CADPS: variants seen among roughly 807,000 people sequenced by gnomAD.
CADPS encodes the protein calcium-dependent secretion activator 1.
A neutral mutation model predicts 167.3 loss-of-function variants in CADPS; 57 were observed. That is an observed-to-expected ratio of 0.34 (90% CI 0.28 to 0.42). The LOEUF is 0.42. CADPS is among the 20% of genes least tolerant of loss of function. The probability of loss-of-function intolerance (pLI) is 1.00; values close to 1 mark genes in which losing one functional copy is unlikely to be tolerated. For missense variants in CADPS, 1,414 were observed against 1,738.1 expected, an observed-to-expected ratio of 0.81 and a Z score of 3.32; for synonymous variants, 676 against 635.3, an observed-to-expected ratio of 1.06 and a Z score of -0.96.
At chr3:62,542,769 G>C (rs888594979) in intron 11 of CADPS, among the ~76,000 whole-genome samples, 1 of 152,078 alleles carries the variant, frequency 6.6e-6, no homozygotes, top group Non-Finnish European at 1.5e-5. Context: ...ATAAGTGTGT[G>C]ATGTTTATTT....
At chr3:62,677,174 G>C (rs2076460068) in intron 3 of CADPS, among the ~76,000 whole-genome samples, 1 of 151,912 alleles carries the variant, frequency 6.6e-6, no homozygotes, top group South Asian at 2.1e-4. Context: ...AGAAATTCAG[G>C]AAATAGTCTT....
intron 1 of CADPS, among the ~76,000 whole-genome samples, chr3:62,797,921 AC>A (rs1159344677): frequency 1.3e-5 from 2 of 152,338 alleles, no homozygotes; most frequent in South Asian, 2.1e-4. Context: ...TTTAGAAACG[AC>A]CATGAAAACT....
At chr3:62,423,203 A>G (rs2051845950) in intron 28 of CADPS, among the ~76,000 whole-genome samples, 1 of 152,186 alleles carries the variant, frequency 6.6e-6, no homozygotes, top group African/African-American at 2.4e-5. Flanking sequence ...TCATTTTAGG[A>G]CCAGGGTCTG....
At chr3:62,526,735 G>A (rs910683003) in intron 13 of CADPS, among the ~76,000 whole-genome samples, 1 of 152,122 alleles carries the variant, frequency 6.6e-6, no homozygotes, top group Non-Finnish European at 1.5e-5. Flanking sequence ...TCTCTTTTCA[G>A]AAAATGGGTT....
At chr3:62,443,307 A>G (rs1376135595) in intron 27 of CADPS, among the ~76,000 whole-genome samples, 1 of 152,226 alleles carries the variant, frequency 6.6e-6, no homozygotes, top group Non-Finnish European at 1.5e-5. Flanking sequence ...TGAGTACTTT[A>G]TAACGCTTGG....
At chr3:62,708,361 G>A (rs538569313) in intron 3 of CADPS, among the ~76,000 whole-genome samples, 2 of 152,032 alleles carry the variant, frequency 1.3e-5, no homozygotes, top group Admixed American at 6.6e-5. Flanking sequence ...ATATATGTGT[G>A]GATATATATT....
At chr3:62,451,091 C>T (rs554712460) in intron 26 of CADPS, among the ~76,000 whole-genome samples, 2 of 152,020 alleles carry the variant, frequency 1.3e-5, no homozygotes, top group Admixed American at 1.3e-4. Flanking sequence ...GTATGAGGGA[C>T]TTGAATACAT....
chr3:62,759,875 A>T (rs1404632718), intron 2 of CADPS, among the ~76,000 whole-genome samples: 1 of 152,156 alleles, frequency 6.6e-6, no homozygotes, highest in East Asian at 1.9e-4. Flanking sequence ...AAAAATACAA[A>T]TTTTACCTTC....
Position 62,697,591 on chromosome 3 carries a change from T to C in CADPS, c.889-35197A>G, listed in dbSNP as rs1164035072. Among the ~76,000 whole-genome samples the C allele has an allele frequency of 5.9e-5, 9 of 152,090 alleles. No individual in the cohort carries two copies. The East Asian group carries it at 1.7e-3, about 29-fold the overall frequency. On this transcript the variant is annotated intron_variant, in intron 3 of 29. Transcript: ENST00000383710. ...TACGTGTGCAAGCGTCTTTTTTGTA[T>C]AATGGTTTCTTTTCCTCTGGATAGA...
At chr3:62,750,335 A>T (rs2082411973) in intron 3 of CADPS, among the ~76,000 whole-genome samples, 2 of 116,632 alleles carry the variant, frequency 1.7e-5, no homozygotes, top group Non-Finnish European at 3.3e-5. Flanking sequence ...TGAGTGACAG[A>T]GTGAGACTCT....
At chr3:62,634,447 A>G (rs1345665740) in intron 6 of CADPS, among the ~76,000 whole-genome samples, 1 of 152,208 alleles carries the variant, frequency 6.6e-6, no homozygotes, top group African/African-American at 2.4e-5. Flanking sequence ...AGCACATATG[A>G]AGATTTTTTA....
intron 1 of CADPS, among the ~76,000 whole-genome samples, chr3:62,772,517 G>A (rs1293460333): frequency 2.0e-5 from 3 of 152,170 alleles, no homozygotes; most frequent in African/African-American, 7.2e-5. Flanking sequence ...GACCATCCAG[G>A]AAAGGCTAAG....
intron 17 of CADPS, among the ~76,000 whole-genome samples, chr3:62,511,377 C>A (rs1170628497): frequency 3.3e-5 from 5 of 152,070 alleles, no homozygotes; most frequent in Non-Finnish European, 4.4e-5. Context: ...TCCAGCTATA[C>A]CACTTATACT....
intron 4 of CADPS, among the ~76,000 whole-genome samples, chr3:62,661,771 A>G (rs1469595066): frequency 6.6e-6 from 1 of 152,144 alleles, no homozygotes. Context: ...GGCCTGGATC[A>G]AAGCACCAGT....
At chr3:62,532,785 G>C in intron 13 of CADPS, 86 bp downstream of exon 13, 1 of 1,174,784 alleles carries the variant, frequency 8.5e-7, no homozygotes, top group Admixed American at 1.9e-5. Context: ...ATGAAGACAG[G>C]CAGATCCTAA....
chr3:62,866,165 A>G (rs139306096), intron 1 of CADPS, among the ~76,000 whole-genome samples: 1 of 152,240 alleles, frequency 6.6e-6, no homozygotes, highest in East Asian at 1.9e-4. Context: ...GGATCTAGAA[A>G]TTTGTCACTT....
intron 3 of CADPS, among the ~76,000 whole-genome samples, chr3:62,707,997 C>A (rs1418484247): frequency 1.3e-5 from 2 of 152,026 alleles, no homozygotes; most frequent in East Asian, 3.9e-4. Context: ...ATGATCTTGG[C>A]TCACTTCAAC....
intron 3 of CADPS, among the ~76,000 whole-genome samples, chr3:62,673,767 T>C (rs1295466574): frequency 6.6e-6 from 1 of 152,194 alleles, no homozygotes; most frequent in Non-Finnish European, 1.5e-5. Context: ...GGTCACTTTT[T>C]CAAAACAAGC....
At chr3:62,745,805 ATTGTGCATCTATT>A (rs1297188452) in intron 3 of CADPS, among the ~76,000 whole-genome samples, 1 of 152,206 alleles carries the variant, frequency 6.6e-6, no homozygotes, top group Non-Finnish European at 1.5e-5. Flanking sequence ...TCAATATTTA[ATTGTGCATCTATT>A]TTGTGCTGAG....
Sources: allele counts gnomAD v4.1 joint callset (sites outside exome capture counted in the v4.1 genomes callset), GRCh38; gene constraint gnomAD v4.1.1; transcripts MANE v1.5; gene names NCBI Gene and HGNC (gene_info 2026-07-23, HGNC 2026-07-21).